ERBIN: variants seen among roughly 807,000 people sequenced by gnomAD.
The protein encoded by ERBIN is erbb2 interacting protein, also known as densin-180-like protein.
Under a neutral mutation model 158.4 loss-of-function variants are expected in ERBIN, and 60 were observed. The ratio of observed to expected loss-of-function variants is 0.38; its 90% CI spans 0.31 to 0.47. The LOEUF is 0.47. Among genes scored for constraint, ERBIN ranks in the 20% least tolerant of loss-of-function variants. The probability of loss-of-function intolerance (pLI) is 0.99; values close to 1 mark genes in which losing one functional copy is unlikely to be tolerated. For missense variants in ERBIN, 1,610 were observed against 1,648.0 expected (o/e 0.98, Z 0.40); for synonymous variants, 594 against 557.2 (o/e 1.07, Z -0.93).
chr5:66,014,334 A>T (rs1023750172), intron 6 of ERBIN, among the ~76,000 whole-genome samples: 7 of 152,080 alleles, frequency 4.6e-5, no homozygotes, highest in African/African-American at 1.7e-4. Flanking sequence ...AGCACTTTAG[A>T]GTTGCATTAT....
intron 7 of ERBIN, among the ~76,000 whole-genome samples, chr5:66,019,590 T>C (rs985601759): frequency 2.0e-5 from 3 of 152,212 alleles, no homozygotes; most frequent in African/African-American, 7.2e-5. Context: ...ATAGCCACAG[T>C]TGTCAGTATT....
chr5:65,930,191 A>T (rs897522107), intron 1 of ERBIN, among the ~76,000 whole-genome samples: 5 of 152,238 alleles, frequency 3.3e-5, no homozygotes, highest in African/African-American at 1.2e-4. Context: ...TGTTCAAAAC[A>T]TGCAGTGGAA....
chr5:66,000,897 T>G (rs1021202107), intron 4 of ERBIN, among the ~76,000 whole-genome samples: 1 of 152,166 alleles, frequency 6.6e-6, no homozygotes, highest in African/African-American at 2.4e-5. Context: ...TCATCTTATA[T>G]TCTTCATAAG....
chr5:65,962,988 CTGTCT>C lies in ERBIN; in HGVS notation c.-57-25644_-57-25640del, dbSNP rs1221902181. On this transcript the variant is annotated intron_variant, in intron 1 of 25. Transcript: ENST00000284037. ...AAAGGTTTTTTGTTTTCCAGATGATCTGTCTTGAGATTAATTTTTTAAAACAACAA... is the reference window on the plus strand; with the variant it reads ...AAAGGTTTTTTGTTTTCCAGATGATCTGAGATTAATTTTTTAAAACAACAA... Among the ~76,000 whole-genome samples, 4 of 152,188 alleles carry C rather than the reference CTGTCT, an allele frequency of 2.6e-5. No individual in the cohort carries two copies. In the South Asian group the frequency reaches 6.2e-4, roughly 24 times the overall value.
chr5:66,024,017 TAA>T (rs1281682667), intron 9 of ERBIN, among the ~76,000 whole-genome samples: 2 of 151,972 alleles, frequency 1.3e-5, no homozygotes, highest in Non-Finnish European at 2.9e-5. Flanking sequence ...TTTACTCCCA[TAA>T]AAAAAACCAC....
At chr5:66,051,811 C>G (rs1486786807) in intron 20 of ERBIN, among the ~76,000 whole-genome samples, 2 of 151,114 alleles carry the variant, frequency 1.3e-5, no homozygotes, top group Non-Finnish European at 2.9e-5. Context: ...GGGAGGATTG[C>G]TTGAGCCCAG....
chr5:65,999,748 G>A (rs1263177902), intron 4 of ERBIN, among the ~76,000 whole-genome samples: 1 of 152,106 alleles, frequency 6.6e-6, no homozygotes, highest in Admixed American at 6.6e-5. Context: ...ATTTTATTCA[G>A]GCTAAATGTC....
intron 1 of ERBIN, among the ~76,000 whole-genome samples, chr5:65,939,568 C>G (rs1744541937): frequency 1.3e-5 from 2 of 152,086 alleles, no homozygotes; most frequent in South Asian, 2.1e-4. Context: ...CCCTCTCCCT[C>G]TCTTTCCACG....
intron 2 of ERBIN, among the ~76,000 whole-genome samples, chr5:65,991,529 G>T (rs1751869286): frequency 6.6e-6 from 1 of 152,104 alleles, no homozygotes; most frequent in Admixed American, 6.5e-5. Flanking sequence ...CAATGTATTT[G>T]TGTGGTGTTT....
intron 5 of ERBIN, among the ~76,000 whole-genome samples, chr5:66,013,057 A>G (rs1243215214): frequency 6.6e-6 from 1 of 152,164 alleles, no homozygotes; most frequent in Admixed American, 6.5e-5. Flanking sequence ...GTGTGCATGC[A>G]TGCACACTAT....
Position 66,046,503 on chromosome 5 carries a change from T to C in ERBIN, c.1753T>C (p.Leu585=). The C allele has an allele frequency of 6.2e-7, 1 of 1,602,498 alleles. No homozygotes were observed. The highest frequency in any genetic ancestry group is 8.5e-7 in the Non-Finnish European group (1 of 1,174,570). The change falls in exon 18 of 26, where the codon TTG becomes CTG. Residue 585 remains leucine (L), a synonymous_variant. Transcript: ENST00000284037. ...VTANMKASEN[L]KHIVNHDDVF... ...TGCAAATATGAAAGCCTCTGAGAAC[T>C]TGAAGCATATTGTTAACCATGATGA...
intron 7 of ERBIN, among the ~76,000 whole-genome samples, chr5:66,018,816 T>C (rs1357100700): frequency 6.7e-6 from 1 of 150,192 alleles, no homozygotes; most frequent in Non-Finnish European, 1.5e-5. Context: ...TTTGTATTTT[T>C]AGTAGAGACA....
intron 14 of ERBIN, among the ~76,000 whole-genome samples, chr5:66,037,072 A>AAAT (rs1757467496): frequency 6.6e-6 from 1 of 152,172 alleles, no homozygotes; most frequent in Non-Finnish European, 1.5e-5. Context: ...CAGGGTGATG[A>AAAT]GTTTTTAAAA....
intron 14 of ERBIN, among the ~76,000 whole-genome samples, chr5:66,029,870 G>T (rs769697354): frequency 2.0e-5 from 3 of 152,070 alleles, no homozygotes; most frequent in Admixed American, 6.5e-5. Context: ...GATTACAGGC[G>T]TGAGCCACCA....
In ERBIN at chr5:65,983,800, T is replaced by G. The variant is rs546295839; in HGVS notation, c.-57-4835T>G. On this transcript the variant is annotated intron_variant, in intron 1 of 25. Coordinates refer to ENST00000284037, the MANE Select transcript of ERBIN (RefSeq NM_001253697.2). ...CGCATCTCAGGGCACCCCCCCCAAC[T>G]GTCTGTGGATCTGGAGACCTGGCAT... Among the ~76,000 whole-genome samples the G allele has an allele frequency of 1.0e-3, 157 of 152,212 alleles. 1 individual carries two copies. Among genetic ancestry groups the G allele is most frequent in the African/African-American group, 3.4e-3 (141 of 41,542 alleles).
chr5:66,076,811 C>A, intron 24 of ERBIN, 64 bp from the exon 25 acceptor site: 3 of 1,201,846 alleles, frequency 2.5e-6, no homozygotes, highest in Non-Finnish European at 3.6e-6. Context: ...GGAAAAATTG[C>A]TCCTTGGTAC....
At chr5:65,958,184 C>T (rs1429662639) in intron 1 of ERBIN, among the ~76,000 whole-genome samples, 9 of 149,100 alleles carry the variant, frequency 6.0e-5, no homozygotes, top group South Asian at 2.1e-4. Context: ...GATGGGCGGC[C>T]AGGCAGAGAC....
intron 1 of ERBIN, among the ~76,000 whole-genome samples, chr5:65,937,770 G>A (rs989337508): frequency 1.3e-5 from 2 of 152,126 alleles, no homozygotes; most frequent in African/African-American, 4.8e-5. Flanking sequence ...TTAGCGGGGT[G>A]TGGTAGCAGG....
At chr5:66,061,878 C>G (rs562232486) in intron 21 of ERBIN, among the ~76,000 whole-genome samples, 86 of 152,306 alleles carry the variant, frequency 5.6e-4, no homozygotes, top group African/African-American at 2.0e-3. Context: ...GGCCCCCACT[C>G]TCTTCTGGCT....
Sources: allele counts gnomAD v4.1 joint callset (sites outside exome capture counted in the v4.1 genomes callset), GRCh38; gene constraint gnomAD v4.1.1; transcripts MANE v1.5; gene names NCBI Gene and HGNC (gene_info 2026-07-23, HGNC 2026-07-21).